The following RIMS2 variants were observed in gnomAD, a reference collection of about 807,000 sequenced individuals.
The protein encoded by RIMS2 is regulating synaptic membrane exocytosis 2.
In RIMS2, 59 loss-of-function variants were observed where a neutral mutation model predicts 174.4. The observed-to-expected ratio is 0.34, with a 90% CI of 0.27 to 0.42. The LOEUF is 0.42. Ranked by LOEUF, RIMS2 falls within the 10% of genes least tolerant of loss-of-function variation. The probability of loss-of-function intolerance (pLI) is 1.00; values close to 1 mark genes in which losing one functional copy is unlikely to be tolerated. For missense variants in RIMS2, 1,620 were observed against 1,666.3 expected (o/e 0.97, Z 0.48); for synonymous variants, 606 against 572.5 (o/e 1.06, Z -0.84).
chr8:103,623,329 C>T (rs2095681476), intron 1 of RIMS2, among the ~76,000 whole-genome samples: 1 of 152,012 alleles, frequency 6.6e-6, no homozygotes, highest in Non-Finnish European at 1.5e-5. Flanking sequence ...AAGTACAGAA[C>T]ACATTTTATT....
chr8:103,803,367 T>C (rs1198701485), intron 3 of RIMS2, among the ~76,000 whole-genome samples: 4 of 152,176 alleles, frequency 2.6e-5, no homozygotes, highest in African/African-American at 7.2e-5. Flanking sequence ...TCTCAAACTT[T>C]TTGGTCTTGG....
chr8:103,779,323 A>G (rs2098358010), intron 3 of RIMS2, among the ~76,000 whole-genome samples: 1 of 152,050 alleles, frequency 6.6e-6, no homozygotes, highest in African/African-American at 2.4e-5. Flanking sequence ...CTTTGCCCAG[A>G]TCTATGTCCT....
chr8:103,967,836 G>T, intron 15 of RIMS2, among the ~76,000 whole-genome samples: 1 of 142,558 alleles, frequency 7.0e-6, no homozygotes, highest in Admixed American at 7.0e-5. Context: ...TCTAAAATTA[G>T]TGTACCTACT....
chr8:103,540,377 G>A (rs977212514), intron 1 of RIMS2, among the ~76,000 whole-genome samples: 2 of 152,214 alleles, frequency 1.3e-5, no homozygotes, highest in African/African-American at 2.4e-5. Context: ...GTTGGCCGCT[G>A]AGGATCCTTG....
chr8:103,893,542 AC>A (rs1295186305), intron 4 of RIMS2, among the ~76,000 whole-genome samples: 1 of 152,028 alleles, frequency 6.6e-6, no homozygotes, highest in Admixed American at 6.6e-5. Flanking sequence ...GGATAGATAA[AC>A]TATGGTTTGT....
At chr8:104,090,232 T>C (rs1416395874) in intron 19 of RIMS2, among the ~76,000 whole-genome samples, 1 of 151,760 alleles carries the variant, frequency 6.6e-6, no homozygotes, top group Non-Finnish European at 1.5e-5. Context: ...AGGGAATCTT[T>C]CCTTAAATTT....
intron 17 of RIMS2, among the ~76,000 whole-genome samples, chr8:104,012,346 CT>C (rs905534515): frequency 1.0e-4 from 15 of 146,374 alleles, no homozygotes; most frequent in South Asian, 4.2e-4. Flanking sequence ...AAATTATGTC[CT>C]TTTTTTCTTT....
chr8:103,516,701 G>A (rs1403308463), intron 1 of RIMS2, among the ~76,000 whole-genome samples: 1 of 151,974 alleles, frequency 6.6e-6, no homozygotes, highest in Non-Finnish European at 1.5e-5. Flanking sequence ...GTAGAAACAA[G>A]GGAAAATTAA....
At chr8:104,090,273 G>A (rs911064599) in intron 19 of RIMS2, among the ~76,000 whole-genome samples, 5 of 151,644 alleles carry the variant, frequency 3.3e-5, no homozygotes, top group African/African-American at 1.2e-4. Context: ...TCAGCAAATT[G>A]GATGATCTGA....
intron 19 of RIMS2, among the ~76,000 whole-genome samples, chr8:104,157,181 AG>A (rs2098729943): frequency 6.6e-6 from 1 of 152,198 alleles, no homozygotes; most frequent in Non-Finnish European, 1.5e-5. Flanking sequence ...ATTGTAGATG[AG>A]GTAAACAAAA....
chr8:103,984,001 G>A (rs181202431), intron 16 of RIMS2, among the ~76,000 whole-genome samples: 66 of 151,968 alleles, frequency 4.3e-4, no homozygotes, highest in Admixed American at 1.6e-3. Context: ...GTGAAACCCC[G>A]TCTCTACTAA....
At chr8:104,057,027 T>C (rs1024783802) in intron 19 of RIMS2, among the ~76,000 whole-genome samples, 2 of 151,850 alleles carry the variant, frequency 1.3e-5, no homozygotes, top group Non-Finnish European at 2.9e-5. Context: ...AATCTTCCCC[T>C]ATGGACCAAG....
chr8:103,634,244 ACTT>A (rs1377238962), intron 1 of RIMS2, among the ~76,000 whole-genome samples: 1 of 152,196 alleles, frequency 6.6e-6, no homozygotes, highest in African/African-American at 2.4e-5. Context: ...TTTTCAAAGA[ACTT>A]CTTGATTTCT....
At chr8:104,147,878 A>G (rs1010299897) in intron 19 of RIMS2, among the ~76,000 whole-genome samples, 5 of 152,196 alleles carry the variant, frequency 3.3e-5, no homozygotes, top group South Asian at 2.1e-4. Context: ...TAGATTATCA[A>G]TCAGCTCACA....
intron 19 of RIMS2, among the ~76,000 whole-genome samples, chr8:104,145,321 G>A (rs753886969): frequency 4.6e-5 from 7 of 151,978 alleles, no homozygotes; most frequent in Non-Finnish European, 1.0e-4. Flanking sequence ...GATCCCACTA[G>A]AAGTGTTGAA....
intron 1 of RIMS2, among the ~76,000 whole-genome samples, chr8:103,606,830 CT>C (rs1315614925): frequency 6.6e-6 from 1 of 151,132 alleles, no homozygotes; most frequent in Non-Finnish European, 1.5e-5. Flanking sequence ...CAACCCCTGC[CT>C]TTTTTTGTTT....
chr8:104,188,561 C>G (rs2098981684), intron 19 of RIMS2, among the ~76,000 whole-genome samples: 1 of 151,326 alleles, frequency 6.6e-6, no homozygotes. Flanking sequence ...GGTATATGCC[C>G]AATATAAGAG....
At chr8:103,580,619 T>C (rs2093553057) in intron 1 of RIMS2, among the ~76,000 whole-genome samples, 1 of 152,088 alleles carries the variant, frequency 6.6e-6, no homozygotes, top group Non-Finnish European at 1.5e-5. Context: ...AGGGGACACA[T>C]GCAATCTAAG....
chr8:103,943,183 A>T (rs1156590639), intron 14 of RIMS2, among the ~76,000 whole-genome samples: 3 of 152,246 alleles, frequency 2.0e-5, no homozygotes, highest in Non-Finnish European at 4.4e-5. Context: ...TATGACACCA[A>T]ATAAGCATAT....
Sources: allele counts gnomAD v4.1 joint callset (sites outside exome capture counted in the v4.1 genomes callset), GRCh38; gene constraint gnomAD v4.1.1; transcripts MANE v1.5; gene names NCBI Gene and HGNC (gene_info 2026-07-23, HGNC 2026-07-21).